AFF3: variants seen among roughly 807,000 people sequenced by gnomAD.
AFF3 encodes ALF transcription elongation factor 3.
AFF3 carries 32 observed loss-of-function variants against 129.7 expected under a neutral mutation model. The observed-to-expected ratio is 0.25, with a 90% confidence interval of 0.19 to 0.33. The LOEUF is 0.33. AFF3 is among the 10% of genes least tolerant of loss of function. The probability of loss-of-function intolerance (pLI) is 1.00; values close to 1 mark genes in which losing one functional copy is unlikely to be tolerated. For synonymous variants in AFF3, 644 were observed against 635.4 expected, an observed-to-expected ratio of 1.01 and a Z score of -0.20; for missense variants, 1,373 against 1,592.0, an observed-to-expected ratio of 0.86 and a Z score of 2.34.
At position 99,688,084 on chromosome 2, in the gene AFF3, C is replaced by T. The variant is rs373682107; in HGVS notation, c.1092-15495G>A. On this transcript the variant is annotated intron_variant, in intron 11 of 24. Transcript: ENST00000672756. Reference sequence around the variant, plus strand: ...GTCTTGATCTCCTGACCTCGTGATCCGCCCGCCTCGGCCTCCCAAAATGCT... The same window carrying T: ...GTCTTGATCTCCTGACCTCGTGATCTGCCCGCCTCGGCCTCCCAAAATGCT... Among the ~76,000 whole-genome samples, 4 of 152,226 alleles carry T rather than the reference C, an allele frequency of 2.6e-5. No individual in the cohort carries two copies. In the South Asian group the frequency reaches 6.2e-4, roughly 24 times the overall value.
chr2:99,798,038 TTGA>T (rs1432493668), intron 8 of AFF3, among the ~76,000 whole-genome samples: 1 of 152,056 alleles, frequency 6.6e-6, no homozygotes, highest in Non-Finnish European at 1.5e-5. Context: ...TAAAATATAA[TTGA>T]TTAGTTAAGA....
intron 8 of AFF3, among the ~76,000 whole-genome samples, chr2:99,760,235 T>C (rs1053832557): frequency 3.0e-4 from 46 of 152,176 alleles, no homozygotes; most frequent in African/African-American, 1.1e-3. Context: ...AAAGAATAAG[T>C]ATCATGCAAA....
chr2:99,650,951 A>T (rs1429539076), intron 12 of AFF3, among the ~76,000 whole-genome samples: 1 of 152,026 alleles, frequency 6.6e-6, no homozygotes, highest in Non-Finnish European at 1.5e-5. Context: ...AGGCAGGTGG[A>T]TCACCTGAGG....
intron 4 of AFF3, among the ~76,000 whole-genome samples, chr2:100,065,332 T>G (rs11685258): frequency 0.13 from 20,134 of 152,114 alleles, 1,684 homozygotes; most frequent in South Asian, 0.2. Flanking sequence ...GAAATAAGGG[T>G]TAACATAAAA....
chr2:99,581,515 T>C (rs146722357), intron 17 of AFF3, among the ~76,000 whole-genome samples: 4 of 148,696 alleles, frequency 2.7e-5, no homozygotes, highest in African/African-American at 1.0e-4. Flanking sequence ...CTTTGCAGAA[T>C]CCTGTTCTTT....
At chr2:99,578,666 A>G (rs1677222996) in intron 17 of AFF3, among the ~76,000 whole-genome samples, 1 of 152,286 alleles carries the variant, frequency 6.6e-6, no homozygotes, top group Non-Finnish European at 1.5e-5. Flanking sequence ...CATTCTTATG[A>G]CACTATCAAA....
At chr2:100,050,793 C>T (rs1003516392) in intron 4 of AFF3, among the ~76,000 whole-genome samples, 1 of 152,214 alleles carries the variant, frequency 6.6e-6, no homozygotes, top group African/African-American at 2.4e-5. Flanking sequence ...ACTGCCCCTG[C>T]AGATGCAGAT....
intron 13 of AFF3, among the ~76,000 whole-genome samples, chr2:99,613,462 T>C (rs926664721): frequency 2.0e-5 from 3 of 152,300 alleles, no homozygotes; most frequent in African/African-American, 7.2e-5. Context: ...TGAATTTTTT[T>C]CCCAAAAGAT....
chr2:100,001,425 T>TTTTTTGG (rs1266624928), intron 7 of AFF3, among the ~76,000 whole-genome samples: 5 of 152,324 alleles, frequency 3.3e-5, no homozygotes, highest in African/African-American at 9.6e-5. Context: ...TTCTGTTTTG[T>TTTTTTGG]TTTTTGGTTT....
At chr2:100,109,426 G>C (rs1023414365) in intron 2 of AFF3, among the ~76,000 whole-genome samples, 1 of 147,324 alleles carries the variant, frequency 6.8e-6, no homozygotes, top group Non-Finnish European at 1.5e-5. Flanking sequence ...TCATAAAAGC[G>C]GATCAGAAAA....
intron 4 of AFF3, among the ~76,000 whole-genome samples, chr2:100,072,575 C>T (rs183072093): frequency 6.0e-4 from 91 of 152,264 alleles, no homozygotes; most frequent in African/African-American, 2.0e-3. Context: ...GAGCTAGCTG[C>T]CTGTCCTACT....
At chr2:99,981,406 A>C (rs1467989526) in intron 7 of AFF3, among the ~76,000 whole-genome samples, 1 of 152,182 alleles carries the variant, frequency 6.6e-6, no homozygotes, top group Non-Finnish European at 1.5e-5. Flanking sequence ...ATATTCATGC[A>C]CCCAATCTTT....
At chr2:99,690,383 G>A (rs557590308) in intron 11 of AFF3, among the ~76,000 whole-genome samples, 35 of 151,344 alleles carry the variant, frequency 2.3e-4, no homozygotes, top group South Asian at 2.1e-4. Flanking sequence ...GGGTTTCACC[G>A]TGTTAGCCAG....
At chr2:99,748,248 C>G (rs72817079) in intron 9 of AFF3, among the ~76,000 whole-genome samples, 1 of 152,276 alleles carries the variant, frequency 6.6e-6, no homozygotes, top group Non-Finnish European at 1.5e-5. Flanking sequence ...TCCTGCCACC[C>G]CATCCAGATA....
rs181962577 is a variant in AFF3 at position 99,836,791 on chromosome 2, G to A, written c.921+686C>T. Among the ~76,000 whole-genome samples the A allele has an allele frequency of 3.5e-3, 528 of 151,754 alleles. 9 individuals are homozygous for A. The highest frequency in any genetic ancestry group is 0.032 in the Admixed American group (487 of 15,252). ...GCCCAGTGTAGTATCAGCTTTTTGA[G>A]AACTATAAATTATTAGGTAACTCCC... On this transcript the variant is annotated intron_variant, in intron 8 of 24. Transcript: ENST00000672756.
At chr2:100,036,946 G>C (rs1684969095) in intron 4 of AFF3, among the ~76,000 whole-genome samples, 1 of 152,252 alleles carries the variant, frequency 6.6e-6, no homozygotes, top group African/African-American at 2.4e-5. Flanking sequence ...ACAGACAGCT[G>C]TGCAGAGCGG....
At position 99,551,435 on chromosome 2, in the gene AFF3, G is replaced by C. The variant is rs1168092151; in HGVS notation, c.*39C>G. The C allele has an allele frequency of 6.2e-7, 1 of 1,612,564 alleles. No homozygotes were observed. Among genetic ancestry groups the C allele is most frequent in the Non-Finnish European group, 8.5e-7 (1 of 1,179,700 alleles). On this transcript the variant is annotated 3_prime_UTR_variant, in exon 25 of 25. Coordinates refer to ENST00000672756, the MANE Select transcript of AFF3 (RefSeq NM_001386135.1). ...AGTGTCCAAAAACGTTGAGCCATCTGTGGAGACCAGAGCCCACTCTGGCCC... is the reference window on the plus strand; with the variant it reads ...AGTGTCCAAAAACGTTGAGCCATCTCTGGAGACCAGAGCCCACTCTGGCCC...
chr2:99,908,927 G>A (rs1694918458), intron 7 of AFF3, among the ~76,000 whole-genome samples: 1 of 152,160 alleles, frequency 6.6e-6, no homozygotes, highest in Non-Finnish European at 1.5e-5. Context: ...CGATTCCTCA[G>A]GGATCTAGAA....
chr2:99,655,851 T>C (rs1040349708), intron 12 of AFF3, among the ~76,000 whole-genome samples: 1 of 151,998 alleles, frequency 6.6e-6, no homozygotes, highest in Admixed American at 6.6e-5. Context: ...GTTATTGCAG[T>C]GATGTGGGCA....
Sources: allele counts gnomAD v4.1 joint callset (sites outside exome capture counted in the v4.1 genomes callset), GRCh38; gene constraint gnomAD v4.1.1; transcripts MANE v1.5; gene names NCBI Gene and HGNC (gene_info 2026-07-23, HGNC 2026-07-21).